Variants in NACC1 observed in about 807,000 individuals in gnomAD.
The protein encoded by NACC1 is nucleus accumbens associated 1, also known as nucleus accumbens-associated protein 1.
NACC1 carries 6 observed loss-of-function variants against 41.7 expected under a neutral mutation model. The observed-to-expected ratio is 0.14, with a 90% CI of 0.08 to 0.28. The LOEUF is 0.28. Among genes scored for constraint, NACC1 ranks in the 10% least tolerant of loss-of-function variants. The pLI, the probability that NACC1 is intolerant of heterozygous loss-of-function variation, is 1.00. For synonymous variants in NACC1, 338 were observed against 330.6 expected (o/e 1.02, Z -0.24); for missense variants, 434 against 763.7 (o/e 0.57, Z 5.09).
intron 1 of NACC1, among the ~76,000 whole-genome samples, chr19:13,120,006 C>T (rs2019469084): frequency 6.6e-6 from 1 of 152,208 alleles, no homozygotes. Flanking sequence ...CTCAAGTGGC[C>T]TTCCAGGAGG....
rs2019768128 is a variant in NACC1 at position 13,140,138 on chromosome 19, T to C, written c.*1732T>C. ...CGGGGGTCAGTCATGAGTGCCAGGG[T>C]CTGGCTGGGGTCTTGGCACTGTCTT... On this transcript the variant is annotated 3_prime_UTR_variant, in exon 6 of 6. Transcript: ENST00000292431. This position sits in a 1 kb window ranked among gnomAD's most constrained non-coding sequence, Gnocchi z 4.0. The C allele has an allele frequency of 6.6e-6, 1 of 152,586 alleles. No homozygotes were observed. The highest frequency in any genetic ancestry group is 1.5e-5 in the Non-Finnish European group (1 of 68,080). 9.5% of individuals were successfully genotyped at this position (152,586 alleles called of 1,614,324 possible). A position where few individuals can be genotyped will look rare whatever the true frequency, so the allele number is the denominator to read the frequency against.
chr19:13,133,858 C>A (rs532537964), intron 1 of NACC1, among the ~76,000 whole-genome samples: 1 of 152,092 alleles, frequency 6.6e-6, no homozygotes, highest in Non-Finnish European at 1.5e-5. Context: ...AGACTGTTCT[C>A]CATGGTGGCT....
chr19:13,120,697 C>G (rs2019478633), intron 1 of NACC1, among the ~76,000 whole-genome samples: 1 of 152,240 alleles, frequency 6.6e-6, no homozygotes, highest in African/African-American at 2.4e-5. Context: ...CTGGGTCCTC[C>G]TGGACCTAAG....
chr19:13,131,733 G>C (rs2019636662), intron 1 of NACC1: 1 of 152,270 alleles, frequency 6.6e-6, no homozygotes, highest in South Asian at 2.1e-4. Flanking sequence ...GAAGAGGAAG[G>C]AAGATACAAG....
chr19:13,128,083 A>G (rs1391318401), intron 1 of NACC1, among the ~76,000 whole-genome samples: 1 of 152,180 alleles, frequency 6.6e-6, no homozygotes, highest in Non-Finnish European at 1.5e-5. Context: ...GAGCTGGTGA[A>G]GCTACGGCAT....
In NACC1 at chr19:13,138,382, T is replaced by A. The variant is rs767997489; in HGVS notation, c.1560T>A (p.Gly520=). The A allele has an allele frequency of 1.3e-5, 21 of 1,610,980 alleles. No homozygotes were observed. The highest frequency in any genetic ancestry group is 1.7e-5 in the Non-Finnish European group (20 of 1,179,716). Residue 520 remains glycine, a synonymous_variant, in exon 6 of 6, where the codon GGT becomes GGA. Transcript: ENST00000292431. This position sits in a 1 kb window ranked among gnomAD's most constrained non-coding sequence, Gnocchi z 5.7. ...FETASHEGEA[G]PSAEALQ ...CCGCCAGCCACGAGGGCGAGGCGGG[T>A]CCCTCGGCTGAAGCCCTGCAGTAAC...
intron 1 of NACC1, among the ~76,000 whole-genome samples, chr19:13,122,527 G>T (rs916628710): frequency 1.1e-4 from 16 of 149,844 alleles, no homozygotes; most frequent in Non-Finnish European, 2.2e-4. Flanking sequence ...CCCTGCCGGG[G>T]GGGGGGGGGT....
chr19:13,138,528 G>C lies in NACC1; in HGVS notation c.*122G>C. ...CCCGCGGTGGGTGCTGCATGTTCCC[G>C]GCCCTCTGCCCCTCCTGTCCTACCC... On this transcript the variant is annotated 3_prime_UTR_variant, in exon 6 of 6. Coordinates refer to ENST00000292431, the MANE Select transcript of NACC1 (RefSeq NM_052876.4). This position sits in a 1 kb window ranked among gnomAD's most constrained non-coding sequence, Gnocchi z 5.7. 2.9e-6 allele frequency: 4 copies of C among 1,400,892 alleles called. No homozygotes were observed. Among genetic ancestry groups the C allele is most frequent in the Non-Finnish European group, 3.8e-6 (4 of 1,041,036 alleles). The allele number at this position is 1,400,892 out of a possible 1,614,324, so 86.8% of individuals were successfully genotyped here.
At chr19:13,134,416 G>A (rs1311955394) in intron 1 of NACC1, among the ~76,000 whole-genome samples, 4 of 151,296 alleles carry the variant, frequency 2.6e-5, no homozygotes, top group Non-Finnish European at 5.9e-5. Context: ...TATGCCCCAG[G>A]CTGAAGTGCA....
At chr19:13,118,790 CGGAGGG>C (rs969925127) in intron 1 of NACC1, among the ~76,000 whole-genome samples, 30 of 98,176 alleles carry the variant, frequency 3.1e-4, no homozygotes, top group East Asian at 1.1e-3. Flanking sequence ...TCGTGGATGC[CGGAGGG>C]GGAGGGGGAG....
chr19:13,118,908 G>A (rs1263648236), intron 1 of NACC1, among the ~76,000 whole-genome samples: 1 of 151,104 alleles, frequency 6.6e-6, no homozygotes, highest in Non-Finnish European at 1.5e-5. Context: ...GGTACCGCCT[G>A]GGCGCTGGAG....
rs1043341547 is a variant in NACC1 at position 13,135,135 on chromosome 19, C to A, written c.-8-65C>A. The A allele has an allele frequency of 8.9e-6, 13 of 1,464,158 alleles. No individual in the cohort carries two copies. The South Asian group carries it at 1.4e-4, about 16-fold the overall frequency. The allele number at this position is 1,464,158 out of a possible 1,614,324, so 90.7% of individuals were successfully genotyped here. A position where few individuals can be genotyped will look rare whatever the true frequency, so the allele number is the denominator to read the frequency against. ...TTGGGGCCAGGGCTAGGCCAGCACC[C>A]ACATTTGCCGCCTGACCCCGTCCCT... On this transcript the variant is annotated intron_variant, in intron 1 of 5. Transcript: ENST00000292431.
intron 1 of NACC1, among the ~76,000 whole-genome samples, chr19:13,127,051 A>G (rs1180505968): frequency 2.0e-5 from 3 of 152,058 alleles, no homozygotes; most frequent in South Asian, 2.1e-4. Flanking sequence ...CCTGGGCAAC[A>G]TTAGGGAGAC....
At chr19:13,117,170 G>A (rs1258972015), upstream of NACC1, 2 of 152,174 alleles carry the variant, frequency 1.3e-5, no homozygotes, top group Non-Finnish European at 2.9e-5. Context: ...ACAGATTCCT[G>A]GAAAGTGTGC....
At chr19:13,135,088 G>A (rs1190313891) in intron 1 of NACC1, 112 bp from the exon 2 acceptor site, 14 of 1,434,824 alleles carry the variant, frequency 9.8e-6, no homozygotes, top group Admixed American at 5.7e-5. Context: ...TCGTGCGGAT[G>A]TCCCTCCAGC....
rs2019695481 is a variant in NACC1 at position 13,135,783 on chromosome 19, G to C, written c.576G>C (p.Glu192Asp). 1 of 1,557,618 alleles carries C rather than the reference G, an allele frequency of 6.4e-7. No homozygotes were observed. Among genetic ancestry groups the C allele is most frequent in the Non-Finnish European group, 8.7e-7 (1 of 1,152,332 alleles). ...GGCTGTGGGACAGTGGCCAGAAGGA[G>C]GCTGGGGGCGGCGGCAATGGCAGCC... is the stretch of plus-strand genomic sequence containing the variant. ...AKRLWDSGQK[E>D]AGGGGNGSRK... The change falls in exon 2 of 6, where the codon GAG becomes GAC. Residue 192 changes from glutamate (E) to aspartate (D), a missense_variant. By Grantham distance (45) the Glu-to-Asp change is conservative (BLOSUM62 2). Coordinates refer to ENST00000292431, the MANE Select transcript of NACC1 (RefSeq NM_052876.4).
rs1038881615 is a variant in NACC1, at chr19:13,137,654, G to C, written c.1324+79G>C. 6 of 1,211,118 alleles carry C rather than the reference G, an allele frequency of 5.0e-6. No homozygotes were observed. In the Admixed American group the frequency reaches 1.3e-4, roughly 26 times the overall value. The allele number at this position is 1,211,118 out of a possible 1,614,324, so 75.0% of individuals were successfully genotyped here. A position where few individuals can be genotyped will look rare whatever the true frequency, so the allele number is the denominator to read the frequency against. ...TTTTTTCCCAGCCTTGGCTCTCAGA[G>C]AGGGCTAGAGTTCAGTGTTGAGAAG... is the stretch of plus-strand genomic sequence containing the variant. On this transcript the variant is annotated intron_variant, in intron 5 of 5. Transcript: ENST00000292431. This position sits in a 1 kb window ranked among gnomAD's most constrained non-coding sequence, Gnocchi z 6.1.
chr19:13,129,746 G>T (rs541210235), intron 1 of NACC1, among the ~76,000 whole-genome samples: 97 of 152,250 alleles, frequency 6.4e-4, no homozygotes, highest in South Asian at 1.0e-3. Context: ...CAAGGTATGG[G>T]GGACCTCAGT....
Position 13,137,196 on chromosome 19 carries a change from A to T in NACC1, c.1121-75A>T. 1.4e-6 allele frequency: 2 copies of T among 1,435,462 alleles called. No homozygotes were observed. The highest frequency in any genetic ancestry group is 2.0e-6 in the Non-Finnish European group (2 of 1,022,852). 88.9% of individuals were successfully genotyped at this position (1,435,462 alleles called of 1,614,324 possible). A position where few individuals can be genotyped will look rare whatever the true frequency, so the allele number is the denominator to read the frequency against. On this transcript the variant is annotated intron_variant, in intron 3 of 5. Transcript: ENST00000292431. The surrounding 1 kb of genome is among the most constrained non-coding windows in gnomAD (Gnocchi z 6.1). ...AGCAGGGAGGGCCTGGGGTGTTCTG[A>T]GATGAGGCCTGGTATCATGGGGGCT...
Sources: allele counts gnomAD v4.1 joint callset (sites outside exome capture counted in the v4.1 genomes callset), GRCh38; gene constraint gnomAD v4.1.1; non-coding constraint Gnocchi (gnomAD v3.1); transcripts MANE v1.5; gene names NCBI Gene and HGNC (gene_info 2026-07-23, HGNC 2026-07-21).